Variants in ATXN10 observed in about 807,000 individuals in gnomAD.
The protein encoded by ATXN10 is ataxin-10.
In ATXN10, 28 loss-of-function variants were observed where a neutral mutation model predicts 52.9. The ratio of observed to expected loss-of-function variants is 0.53; its 90% confidence interval spans 0.39 to 0.73. The LOEUF is 0.73. Ranked by LOEUF, ATXN10 falls within the 30% of genes least tolerant of loss-of-function variation. ATXN10 has a pLI of 0.00. For missense variants in ATXN10, 565 were observed against 577.0 expected (o/e 0.98, Z 0.21); for synonymous variants, 226 against 221.5 (o/e 1.02, Z -0.18).
At position 45,843,645 on chromosome 22, in the gene ATXN10, TTTTG is replaced by T; in HGVS notation, c.1426-20_1426-17del. Reference sequence around the variant, plus strand: ...GTGAACAGATTTGCTACATCTGCAATTTTGTTTCTTTCTTCTTCTTTAGTGAATG... The same window carrying T: ...GTGAACAGATTTGCTACATCTGCAATTTTCTTTCTTCTTCTTTAGTGAATG... On this transcript the variant is annotated intron_variant, in intron 11 of 11. Coordinates refer to ENST00000252934, the MANE Select transcript of ATXN10 (RefSeq NM_013236.4). This position sits in a 1 kb window ranked among gnomAD's most constrained non-coding sequence, Gnocchi z 4.5. 1 of 1,610,936 alleles carries T rather than the reference TTTTG, an allele frequency of 6.2e-7. No homozygotes were observed. Among genetic ancestry groups the T allele is most frequent in the Middle Eastern group, 1.7e-4 (1 of 6,052 alleles).
At chr22:45,777,394 A>C (rs1358249967) in intron 9 of ATXN10, among the ~76,000 whole-genome samples, 1 of 152,246 alleles carries the variant, frequency 6.6e-6, no homozygotes, top group Non-Finnish European at 1.5e-5. Context: ...ATGTTTTACC[A>C]GGTATGTGTT....
Position 45,769,726 on chromosome 22 carries a change from T to C in ATXN10, c.1173+29188T>C, listed in dbSNP as rs187602382. Among the ~76,000 whole-genome samples the C allele has an allele frequency of 6.6e-6, 1 of 152,298 alleles. No individual in the cohort carries two copies. Among genetic ancestry groups the C allele is most frequent in the East Asian group, 1.9e-4 (1 of 5,184 alleles). Reference sequence around the variant, plus strand: ...CATCTTCCTGGCCAGGAGCCAGGCCTCTTTTCTCTTGCCTTCTCGAGTAGC... The same window carrying C: ...CATCTTCCTGGCCAGGAGCCAGGCCCCTTTTCTCTTGCCTTCTCGAGTAGC... On this transcript the variant is annotated intron_variant, in intron 9 of 11. Coordinates refer to ENST00000252934, the MANE Select transcript of ATXN10 (RefSeq NM_013236.4). This position sits in a 1 kb window ranked among gnomAD's most constrained non-coding sequence, Gnocchi z 4.2.
At position 45,688,953 on chromosome 22, in the gene ATXN10, T is replaced by C. The variant is rs1335429785; in HGVS notation, c.117-759T>C. On this transcript the variant is annotated intron_variant, in intron 1 of 11. Coordinates refer to ENST00000252934, the MANE Select transcript of ATXN10 (RefSeq NM_013236.4). This position sits in a 1 kb window ranked among gnomAD's most constrained non-coding sequence, Gnocchi z 4.0. ...TTTAGAGCTCTGGAATGATAGCCAG[T>C]GCAGGCAGTACTCCTGGCATGAGAG... Among the ~76,000 whole-genome samples, 1 of 152,180 alleles carries C rather than the reference T, an allele frequency of 6.6e-6. No homozygotes were observed. Among genetic ancestry groups the C allele is most frequent in the Non-Finnish European group, 1.5e-5 (1 of 68,040 alleles).
chr22:45,808,219 A>G (rs889268383), intron 10 of ATXN10, among the ~76,000 whole-genome samples: 1 of 152,192 alleles, frequency 6.6e-6, no homozygotes, highest in African/African-American at 2.4e-5. Context: ...CCCCCCAAAA[A>G]GGAAAGAAAA....
chr22:45,695,727 C>G (rs1193073314), intron 3 of ATXN10, among the ~76,000 whole-genome samples: 3 of 151,964 alleles, frequency 2.0e-5, no homozygotes, highest in Non-Finnish European at 4.4e-5. Context: ...CTCCTGACCT[C>G]ATAATCTACC....
At position 45,671,837 on chromosome 22, in the gene ATXN10, G is replaced by C. The variant is rs1428354080; in HGVS notation, c.-227G>C. 5.6e-6 allele frequency: 2 copies of C among 355,726 alleles called. No individual in the cohort carries two copies. Among genetic ancestry groups the C allele is most frequent in the Non-Finnish European group, 1.0e-5 (2 of 199,222 alleles). The allele number at this position is 355,726 out of a possible 1,614,324, so 22.0% of individuals were successfully genotyped here. On this transcript the variant is annotated 5_prime_UTR_variant, in exon 1 of 12. Coordinates refer to ENST00000252934, the MANE Select transcript of ATXN10 (RefSeq NM_013236.4). ...CCGGCGCCCCCTCCCCCGCGGCGCCGTCTCCTCCTCCCGCCTGAGGCGAGT... is the reference window on the plus strand; with the variant it reads ...CCGGCGCCCCCTCCCCCGCGGCGCCCTCTCCTCCTCCCGCCTGAGGCGAGT...
Position 45,766,628 on chromosome 22 carries a change from A to G in ATXN10, c.1173+26090A>G, listed in dbSNP as rs138206. On this transcript the variant is annotated intron_variant, in intron 9 of 11. Coordinates refer to ENST00000252934, the MANE Select transcript of ATXN10 (RefSeq NM_013236.4). The surrounding 1 kb of genome is among the most constrained non-coding windows in gnomAD (Gnocchi z 4.6). ...GGAGAAAACATGAATGAGTTCCGTT[A>G]TATAACCTCCGAGTCTGGAAGCAAT... 0.048 allele frequency among the ~76,000 whole-genome samples: 7,311 copies of G among 152,312 alleles called. 502 individuals are homozygous for G. The highest frequency in any genetic ancestry group is 0.16 in the African/African-American group (6,598 of 41,540).
At chr22:45,692,284 C>T (rs1252020732) in intron 2 of ATXN10, among the ~76,000 whole-genome samples, 2 of 151,894 alleles carry the variant, frequency 1.3e-5, no homozygotes, top group African/African-American at 4.8e-5. Context: ...TATCGGTGGT[C>T]TTTTGGTAGG....
At chr22:45,692,851 T>C in intron 2 of ATXN10, 145 bp from the exon 3 acceptor site, 1 of 713,874 alleles carries the variant, frequency 1.4e-6, no homozygotes, top group South Asian at 1.6e-5. Flanking sequence ...TGCTATATTT[T>C]TCCTGTAAAG....
In ATXN10 at chr22:45,712,336, G is replaced by T. The variant is rs1211117098; in HGVS notation, c.648-6077G>T. Among the ~76,000 whole-genome samples, 1 of 152,254 alleles carries T rather than the reference G, an allele frequency of 6.6e-6. No homozygotes were observed. The highest frequency in any genetic ancestry group is 1.9e-4 in the East Asian group (1 of 5,204). Reference sequence around the variant, plus strand: ...TGGCAGATATCCACAAGGACTGTCAGTGTTTGGCGAATGCATGTCCTTTTC... The same window carrying T: ...TGGCAGATATCCACAAGGACTGTCATTGTTTGGCGAATGCATGTCCTTTTC... On this transcript the variant is annotated intron_variant, in intron 5 of 11. Coordinates refer to ENST00000252934, the MANE Select transcript of ATXN10 (RefSeq NM_013236.4). The surrounding 1 kb of genome is among the most constrained non-coding windows in gnomAD (Gnocchi z 4.6).
intron 6 of ATXN10, among the ~76,000 whole-genome samples, chr22:45,725,654 G>T (rs1924839787): frequency 6.6e-6 from 1 of 151,780 alleles, no homozygotes; most frequent in African/African-American, 2.4e-5. Flanking sequence ...GATGCCCTTT[G>T]TTTATTTCTC....
At chr22:45,721,951 C>T (rs934867079) in intron 6 of ATXN10, among the ~76,000 whole-genome samples, 19 of 151,922 alleles carry the variant, frequency 1.3e-4, no homozygotes, top group African/African-American at 1.7e-4. Flanking sequence ...AAACAGGAAT[C>T]GTAATTTTAA....
chr22:45,698,384 C>T (rs1297395679), intron 3 of ATXN10, among the ~76,000 whole-genome samples: 2 of 152,100 alleles, frequency 1.3e-5, no homozygotes, highest in East Asian at 1.9e-4. Context: ...TAAATGATCA[C>T]GTACTTATTG....
chr22:45,811,936 T>C (rs896357572), intron 10 of ATXN10: 38 of 379,854 alleles, frequency 1.0e-4, no homozygotes, highest in African/African-American at 8.0e-4. Flanking sequence ...CCCATCATCC[T>C]CAGAATAAGC....
Position 45,769,692 on chromosome 22 carries a change from A to C in ATXN10, c.1173+29154A>C, listed in dbSNP as rs1926708747. ...GCCGATTCCCTAGGACCTTGAAGCC[A>C]GCCTTGGGCATCTTCCTGGCCAGGA... On this transcript the variant is annotated intron_variant, in intron 9 of 11. Transcript: ENST00000252934. The surrounding 1 kb of genome is among the most constrained non-coding windows in gnomAD (Gnocchi z 4.2). Among the ~76,000 whole-genome samples, 1 of 152,192 alleles carries C rather than the reference A, an allele frequency of 6.6e-6. No individual in the cohort carries two copies. Among genetic ancestry groups the C allele is most frequent in the African/African-American group, 2.4e-5 (1 of 41,460 alleles).
chr22:45,799,925 T>C (rs1209681839), intron 9 of ATXN10, among the ~76,000 whole-genome samples: 2 of 152,154 alleles, frequency 1.3e-5, no homozygotes, highest in Non-Finnish European at 2.9e-5. Context: ...TTTTCAACAA[T>C]GGCACTGGAA....
rs2146904325 is a variant in ATXN10, at chr22:45,825,363, T to TA, written c.1238-17627dup. On this transcript the variant is annotated intron_variant, in intron 10 of 11. Coordinates refer to ENST00000252934, the MANE Select transcript of ATXN10 (RefSeq NM_013236.4). This position sits in a 1 kb window ranked among gnomAD's most constrained non-coding sequence, Gnocchi z 4.5. Reference sequence around the variant, plus strand: ...CATCTTTTGGGAACCAGGCATTAAATACTAGGACATTGAAAAATAACTGTA... The same window carrying TA: ...CATCTTTTGGGAACCAGGCATTAAATAACTAGGACATTGAAAAATAACTGTA... Among the ~76,000 whole-genome samples, 1 of 152,278 alleles carries TA rather than the reference T, an allele frequency of 6.6e-6. No homozygotes were observed. Among genetic ancestry groups the TA allele is most frequent in the East Asian group, 1.9e-4 (1 of 5,190 alleles).
chr22:45,716,292 G>A (rs1434520571), intron 5 of ATXN10, among the ~76,000 whole-genome samples: 5 of 150,946 alleles, frequency 3.3e-5, no homozygotes, highest in South Asian at 2.1e-4. Flanking sequence ...CGAAAGCGGC[G>A]CTTAGAGGAG....
At position 45,835,546 on chromosome 22, in the gene ATXN10, A is replaced by G. The variant is rs1013055627; in HGVS notation, c.1238-7445A>G. On this transcript the variant is annotated intron_variant, in intron 10 of 11. Coordinates refer to ENST00000252934, the MANE Select transcript of ATXN10 (RefSeq NM_013236.4). The surrounding 1 kb of genome is among the most constrained non-coding windows in gnomAD (Gnocchi z 5.0). ...TTCGTTTCAGCATCTTTAATAAAGT[A>G]CTGATTTGGGTTATGCACAGATATA... Among the ~76,000 whole-genome samples, 22 of 152,344 alleles carry G rather than the reference A, an allele frequency of 1.4e-4. No individual in the cohort carries two copies. Among genetic ancestry groups the G allele is most frequent in the Middle Eastern group, 3.4e-3 (1 of 294 alleles).
Sources: allele counts gnomAD v4.1 joint callset (sites outside exome capture counted in the v4.1 genomes callset), GRCh38; gene constraint gnomAD v4.1.1; non-coding constraint Gnocchi (gnomAD v3.1); transcripts MANE v1.5; gene names NCBI Gene and HGNC (gene_info 2026-07-23, HGNC 2026-07-21).